HMGCLL1: variants seen among roughly 807,000 people sequenced by gnomAD.
The protein encoded by HMGCLL1 is 3-hydroxymethyl-3-methylglutaryl-CoA lyase, cytoplasmic.
A neutral mutation model predicts 39.1 loss-of-function variants in HMGCLL1; 36 were observed. The ratio of observed to expected loss-of-function variants is 0.92; its 90% CI spans 0.71 to 1.22. The LOEUF is 1.22. Among genes scored for constraint, HMGCLL1 ranks in the 50% most tolerant of loss-of-function variants. The pLI is 0.00. For missense variants in HMGCLL1, 451 were observed against 416.5 expected (o/e 1.08, Z -0.72); for synonymous variants, 149 against 144.0 (o/e 1.03, Z -0.25).
the HMGCLL1 span, among the ~76,000 whole-genome samples, chr6:55,677,113 C>A: frequency 6.6e-6 from 1 of 152,160 alleles, no homozygotes; most frequent in Non-Finnish European, 1.5e-5. Flanking sequence ...CAAAATACTT[C>A]CGGCTGGGCA....
chr6:55,586,755 A>G, the HMGCLL1 span, among the ~76,000 whole-genome samples: 3 of 152,128 alleles, frequency 2.0e-5, no homozygotes, highest in African/African-American at 7.2e-5. Context: ...ATAGTATTCT[A>G]TGGTGGTGTA....
chr6:55,571,925 T>C (rs898493529), intron 1 of HMGCLL1, among the ~76,000 whole-genome samples: 1 of 151,920 alleles, frequency 6.6e-6, no homozygotes, highest in Non-Finnish European at 1.5e-5. Context: ...AGCAAAACAA[T>C]AGAGAAATGG....
the HMGCLL1 span, among the ~76,000 whole-genome samples, chr6:55,621,182 A>T: frequency 2.0e-5 from 3 of 152,126 alleles, no homozygotes; most frequent in African/African-American, 7.2e-5. Flanking sequence ...CTTTTGATAG[A>T]GATTGCACTG....
At position 55,434,652 on chromosome 6, in the gene HMGCLL1, G is replaced by A. The variant is rs1024853310; in HGVS notation, c.*1010C>T. The A allele has an allele frequency of 2.6e-5, 4 of 151,888 alleles. No homozygotes were observed. Among genetic ancestry groups the A allele is most frequent in the Middle Eastern group, 3.4e-3 (1 of 294 alleles). The allele number at this position is 151,888 out of a possible 1,614,324, so 9.4% of individuals were successfully genotyped here. A position where few individuals can be genotyped will look rare whatever the true frequency, so the allele number is the denominator to read the frequency against. ...GATATATTACATCTTGCAATTTCTG[G>A]CAATCAATTCTAAGACAATAGACAA... On this transcript the variant is annotated 3_prime_UTR_variant, in exon 9 of 9. Transcript: ENST00000274901.
At chr6:55,450,714 A>C (rs1231552591) in intron 7 of HMGCLL1, among the ~76,000 whole-genome samples, 1 of 152,212 alleles carries the variant, frequency 6.6e-6, no homozygotes, top group Non-Finnish European at 1.5e-5. Flanking sequence ...GAGCTAATTA[A>C]ATGGAAGTAA....
chr6:55,486,827 A>G (rs1229231821), intron 7 of HMGCLL1, among the ~76,000 whole-genome samples: 1 of 152,102 alleles, frequency 6.6e-6, no homozygotes, highest in African/African-American at 2.4e-5. Context: ...CAATTCTAGC[A>G]GTTCTAGAAG....
intron 7 of HMGCLL1, among the ~76,000 whole-genome samples, chr6:55,464,488 T>A (rs544799883): frequency 1.3e-5 from 2 of 152,138 alleles, no homozygotes; most frequent in Non-Finnish European, 2.9e-5. Flanking sequence ...ACTACCAAGT[T>A]CTCCAAAACA....
At chr6:55,467,713 T>C (rs1028372105) in intron 7 of HMGCLL1, among the ~76,000 whole-genome samples, 2 of 152,082 alleles carry the variant, frequency 1.3e-5, no homozygotes, top group Middle Eastern at 3.2e-3. Context: ...GTTGAAACTA[T>C]ATCTTGACAG....
intron 1 of HMGCLL1, among the ~76,000 whole-genome samples, chr6:55,545,460 TTTAG>T (rs1243506814): frequency 1.3e-5 from 2 of 152,158 alleles, no homozygotes; most frequent in African/African-American, 4.8e-5. Context: ...AATGTTACTA[TTTAG>T]TCTTTCTAGA....
At chr6:55,613,719 C>T in the HMGCLL1 span, among the ~76,000 whole-genome samples, 1 of 152,020 alleles carries the variant, frequency 6.6e-6, no homozygotes, top group South Asian at 2.1e-4. Flanking sequence ...TAAGTGGGAA[C>T]CAAACAATGA....
At chr6:55,661,010 T>C in the HMGCLL1 span, among the ~76,000 whole-genome samples, 1 of 152,010 alleles carries the variant, frequency 6.6e-6, no homozygotes, top group African/African-American at 2.4e-5. Context: ...CACATGTATG[T>C]CTTCTTTTGA....
At chr6:55,584,712 C>T in the HMGCLL1 span, among the ~76,000 whole-genome samples, 1 of 152,014 alleles carries the variant, frequency 6.6e-6, no homozygotes, top group Non-Finnish European at 1.5e-5. Flanking sequence ...ATTTGAAAGT[C>T]TCTATGCTGA....
chr6:55,528,021 C>T (rs1768414718), intron 3 of HMGCLL1, among the ~76,000 whole-genome samples: 1 of 151,942 alleles, frequency 6.6e-6, no homozygotes, highest in African/African-American at 2.4e-5. Context: ...CCTATAAGCC[C>T]TCATTTTTCC....
chr6:55,535,825 C>T (rs560203703), intron 3 of HMGCLL1, among the ~76,000 whole-genome samples: 1 of 152,126 alleles, frequency 6.6e-6, no homozygotes, highest in Non-Finnish European at 1.5e-5. Flanking sequence ...TATAAGCAAG[C>T]AATTTGGGGG....
chr6:55,594,258 T>C, the HMGCLL1 span, among the ~76,000 whole-genome samples: 807 of 152,344 alleles, frequency 5.3e-3, 9 homozygotes, highest in African/African-American at 0.018. Context: ...CTAGTTCAAA[T>C]GTCTGGGTTT....
chr6:55,572,642 G>C (rs1771567514), intron 1 of HMGCLL1, among the ~76,000 whole-genome samples: 1 of 151,940 alleles, frequency 6.6e-6, no homozygotes, highest in Non-Finnish European at 1.5e-5. Context: ...TAGTATGTAT[G>C]CTACTATACA....
the HMGCLL1 span, among the ~76,000 whole-genome samples, chr6:55,626,177 T>C: frequency 2.6e-5 from 4 of 152,130 alleles, no homozygotes. Context: ...ACCTCTTCCA[T>C]CATGGAAAGG....
At chr6:55,645,669 C>T in the HMGCLL1 span, among the ~76,000 whole-genome samples, 136 of 151,830 alleles carry the variant, frequency 9.0e-4, no homozygotes, top group Non-Finnish European at 1.5e-3. Flanking sequence ...ATGGTTTTTG[C>T]CCCTCATTCT....
At chr6:55,473,250 T>C (rs1201610418) in intron 7 of HMGCLL1, among the ~76,000 whole-genome samples, 2 of 151,446 alleles carry the variant, frequency 1.3e-5, no homozygotes, top group African/African-American at 4.8e-5. Flanking sequence ...ATGATTGTAG[T>C]TGGATTATAG....
Sources: gnomAD v4.1 joint callset for allele counts (sites outside exome capture counted in the v4.1 genomes callset) on GRCh38, gnomAD v4.1.1 for gene constraint, MANE v1.5 for transcripts, NCBI Gene and HGNC (gene_info 2026-07-23, HGNC 2026-07-21) for gene names.